Variants in SUMF1 observed in about 807,000 individuals in gnomAD.
SUMF1 encodes sulfatase modifying factor 1.
A neutral mutation model predicts 47.6 loss-of-function variants in SUMF1; 48 were observed. That is an observed-to-expected ratio of 1.01 (90% CI 0.80 to 1.28). The LOEUF (loss-of-function observed/expected upper bound fraction) is 1.28, where lower values mean the gene tolerates loss of function less well. Among genes scored for constraint, SUMF1 ranks in the 50% most tolerant of loss-of-function variants. The probability of loss-of-function intolerance (pLI) is 0.00; values close to 1 mark genes in which losing one functional copy is unlikely to be tolerated. For missense variants in SUMF1, 571 were observed against 485.4 expected, an observed-to-expected ratio of 1.18 and a Z score of -1.66; for synonymous variants, 230 against 192.1, an observed-to-expected ratio of 1.20 and a Z score of -1.63.
chr3:4,386,979 A>C (rs1700695719), intron 7 of SUMF1, among the ~76,000 whole-genome samples: 1 of 151,946 alleles, frequency 6.6e-6, no homozygotes, highest in Non-Finnish European at 1.5e-5. Context: ...TAAAAAATAC[A>C]CTGATGAATT....
At chr3:4,385,654 C>T (rs1036443340) in intron 7 of SUMF1, among the ~76,000 whole-genome samples, 7 of 152,074 alleles carry the variant, frequency 4.6e-5, no homozygotes, top group African/African-American at 1.7e-4. Flanking sequence ...TTTATTTTTC[C>T]ATATGTGGGT....
intron 1 of SUMF1, among the ~76,000 whole-genome samples, chr3:4,461,627 G>T (rs1217406020): frequency 2.0e-5 from 3 of 146,386 alleles, no homozygotes; most frequent in African/African-American, 7.5e-5. Context: ...TTCCGGCCGA[G>T]TTTTTTTTTT....
rs116684058 is a variant in SUMF1, at chr3:4,212,526, G to T, written c.1015-143781C>A. On this transcript the variant is annotated intron_variant and NMD_transcript_variant, in intron 8 of 12. Transcript: ENST00000448413. The stretch of plus-strand genomic sequence containing the variant: ...CTTCTCCAAAGGATCACAACTACTC[G>T]CCAACAAGGGAGCAAAAATGGACAG... 3.3e-5 allele frequency among the ~76,000 whole-genome samples: 5 copies of T among 152,164 alleles called. No individual in the cohort carries two copies. The South Asian group carries it at 1.0e-3, about 32-fold the overall frequency.
At chr3:4,217,125 C>G (rs562272620) in intron 8 of SUMF1, among the ~76,000 whole-genome samples, 6 of 151,966 alleles carry the variant, frequency 3.9e-5, no homozygotes, top group Admixed American at 3.9e-4. Context: ...AAATGCCCAT[C>G]GATGATAGAC....
At chr3:4,194,004 G>T (rs1291617952) in intron 8 of SUMF1, among the ~76,000 whole-genome samples, 1 of 152,180 alleles carries the variant, frequency 6.6e-6, no homozygotes. Flanking sequence ...ACAATTCAAT[G>T]AAAGTAATTT....
intron 3 of SUMF1, among the ~76,000 whole-genome samples, chr3:4,435,126 C>A (rs1378533329): frequency 6.6e-6 from 1 of 152,110 alleles, no homozygotes; most frequent in East Asian, 1.9e-4. Context: ...GGGGTTTCAC[C>A]ACGTTAGCCA....
intron 8 of SUMF1, among the ~76,000 whole-genome samples, chr3:4,075,572 T>A (rs1087832): frequency 0.34 from 52,022 of 151,874 alleles, 9,272 homozygotes; most frequent in Admixed American, 0.46. Flanking sequence ...AGATGACATG[T>A]TTATATATTT....
intron 8 of SUMF1, among the ~76,000 whole-genome samples, chr3:4,114,951 G>A (rs994461108): frequency 2.6e-5 from 4 of 152,042 alleles, no homozygotes; most frequent in Non-Finnish European, 4.4e-5. Context: ...CAGGGTCCCC[G>A]GCTAGGGCTC....
intron 8 of SUMF1, among the ~76,000 whole-genome samples, chr3:4,187,105 C>G (rs562483449): frequency 6.6e-6 from 1 of 152,216 alleles, no homozygotes; most frequent in Non-Finnish European, 1.5e-5. Flanking sequence ...CACAATGGCT[C>G]ATGCCTATAA....
chr3:4,164,295 C>T (rs1412564415), intron 8 of SUMF1, among the ~76,000 whole-genome samples: 1 of 152,148 alleles, frequency 6.6e-6, no homozygotes, highest in African/African-American at 2.4e-5. Flanking sequence ...AAGGCCATGC[C>T]AGTGTCCAGG....
chr3:4,403,142 C>T (rs1176323939), intron 7 of SUMF1, among the ~76,000 whole-genome samples: 1 of 152,196 alleles, frequency 6.6e-6, no homozygotes, highest in Admixed American at 6.5e-5. Flanking sequence ...TTCCTTACAA[C>T]TCTATGAAGT....
chr3:4,156,850 T>A (rs1358896243), intron 8 of SUMF1, among the ~76,000 whole-genome samples: 2 of 151,672 alleles, frequency 1.3e-5, no homozygotes, highest in Non-Finnish European at 2.9e-5. Context: ...AAATTAATAC[T>A]TTTTTTCTAG....
intron 7 of SUMF1, among the ~76,000 whole-genome samples, chr3:4,394,897 A>C (rs1308650290): frequency 1.3e-5 from 2 of 152,192 alleles, no homozygotes. Context: ...GCCTCTGCAC[A>C]TCTTCCTCCT....
intron 8 of SUMF1, among the ~76,000 whole-genome samples, chr3:4,263,926 CA>C (rs1337277980): frequency 6.6e-6 from 1 of 152,024 alleles, no homozygotes; most frequent in East Asian, 1.9e-4. Context: ...ACAGAGGGCC[CA>C]AAGATAAGAA....
intron 3 of SUMF1, among the ~76,000 whole-genome samples, chr3:4,424,603 CAAAATAACCCAACT>C (rs1702008860): frequency 8.0e-5 from 2 of 25,096 alleles, no homozygotes; most frequent in South Asian, 0.01. Context: ...CTTAAAATTA[CAAAATAACCCAACT>C]GTCCTTGGTG....
intron 7 of SUMF1, among the ~76,000 whole-genome samples, chr3:4,390,901 AG>A (rs1206713498): frequency 6.6e-6 from 1 of 152,190 alleles, no homozygotes. Context: ...TTTTATGTGC[AG>A]TGTCCAGAGT....
At chr3:4,186,967 A>C (rs1285687609) in intron 8 of SUMF1, among the ~76,000 whole-genome samples, 1 of 152,318 alleles carries the variant, frequency 6.6e-6, no homozygotes, top group East Asian at 1.9e-4. Flanking sequence ...CGTACAAACC[A>C]ATATGTTACT....
At chr3:4,249,727 T>C (rs1397729717) in intron 8 of SUMF1, among the ~76,000 whole-genome samples, 1 of 152,044 alleles carries the variant, frequency 6.6e-6, no homozygotes, top group African/African-American at 2.4e-5. Flanking sequence ...ATCAAGAGAG[T>C]TAGAAATTAT....
At chr3:4,377,588 A>G (rs1017079808) in intron 7 of SUMF1, among the ~76,000 whole-genome samples, 16 of 151,804 alleles carry the variant, frequency 1.1e-4, no homozygotes, top group African/African-American at 3.6e-4. Flanking sequence ...TACCACTGTA[A>G]TAAGAATTAA....
Sources: gnomAD v4.1 joint callset for allele counts (sites outside exome capture counted in the v4.1 genomes callset) on GRCh38, gnomAD v4.1.1 for gene constraint, MANE v1.5 for transcripts, NCBI Gene and HGNC (gene_info 2026-07-23, HGNC 2026-07-21) for gene names.